Variants in PXDN observed in about 807,000 individuals in gnomAD.
PXDN encodes the protein peroxidasin, also known as peroxidasin homolog.
PXDN carries 77 observed loss-of-function variants against 140.3 expected under a neutral mutation model. The ratio of observed to expected loss-of-function variants is 0.55; its 90% CI spans 0.46 to 0.66. The LOEUF (loss-of-function observed/expected upper bound fraction) is 0.66, where lower values mean the gene tolerates loss of function less well. Ranked by LOEUF, PXDN falls within the 30% of genes least tolerant of loss-of-function variation. PXDN has a pLI of 0.00. For synonymous variants in PXDN, 911 were observed against 857.4 expected, an observed-to-expected ratio of 1.06 and a Z score of -1.09; for missense variants, 1,838 against 2,039.5, an observed-to-expected ratio of 0.90 and a Z score of 1.90.
intron 1 of PXDN, among the ~76,000 whole-genome samples, chr2:1,736,262 T>G (rs1685423108): frequency 6.6e-6 from 1 of 152,216 alleles, no homozygotes; most frequent in Non-Finnish European, 1.5e-5. Flanking sequence ...CTCACTAAGC[T>G]TAATCATTTA....
chr2:1,683,761 GA>G, intron 5 of PXDN, 34 bp from the exon 6 acceptor site: 3 of 1,498,298 alleles, frequency 2.0e-6, no homozygotes, highest in Middle Eastern at 1.7e-4. Context: ...AACCAATTTT[GA>G]AAAATATTTC....
intron 9 of PXDN, among the ~76,000 whole-genome samples, chr2:1,668,334 G>A (rs754851716): frequency 2.2e-4 from 34 of 151,980 alleles, no homozygotes; most frequent in Non-Finnish European, 2.8e-4. Flanking sequence ...CATAAAACCT[G>A]AAACCATAAA....
At chr2:1,729,705 C>G (rs773277538) in intron 1 of PXDN, among the ~76,000 whole-genome samples, 27 of 152,290 alleles carry the variant, frequency 1.8e-4, no homozygotes, top group Non-Finnish European at 3.2e-4. Flanking sequence ...CAAAAATCTA[C>G]TGAAATTTTT....
chr2:1,739,631 C>A (rs998774622), intron 1 of PXDN, among the ~76,000 whole-genome samples: 9 of 152,074 alleles, frequency 5.9e-5, no homozygotes, highest in African/African-American at 2.2e-4. Flanking sequence ...TCACATACTC[C>A]CTGGATGGCA....
intron 1 of PXDN, among the ~76,000 whole-genome samples, chr2:1,727,610 CAGTT>C (rs1685219080): frequency 6.6e-6 from 1 of 152,144 alleles, no homozygotes; most frequent in South Asian, 2.1e-4. Context: ...CCTCAGCCCT[CAGTT>C]AGGCAGCCTT....
intron 1 of PXDN, among the ~76,000 whole-genome samples, chr2:1,742,441 C>T (rs1198493399): frequency 6.6e-6 from 1 of 152,240 alleles, no homozygotes; most frequent in Non-Finnish European, 1.5e-5. Context: ...CACCCGTCTA[C>T]TCTCAGCTCC....
rs946789232 is a variant in PXDN at position 1,691,978 on chromosome 2, G to C, written c.294C>G (p.Ile98Met). The C allele has an allele frequency of 4.6e-6, 7 of 1,528,406 alleles. No homozygotes were observed. The South Asian group carries it at 6.3e-5, about 14-fold the overall frequency. 94.7% of individuals were successfully genotyped at this position (1,528,406 alleles called of 1,614,324 possible). Residue 98 changes from isoleucine (I) to methionine (M), a missense_variant, in exon 3 of 23, where the codon ATC becomes ATG. This residue lies in a region of PXDN where 231 missense variants were observed against 201.5 expected (regional missense o/e 1.15). Coordinates refer to ENST00000252804, the MANE Select transcript of PXDN (RefSeq NM_012293.3). Reference protein sequence around the residue: ...LNTLLLNNNQIKRIPSGAFED... With the variant: ...LNTLLLNNNQMKRIPSGAFED... The stretch of plus-strand genomic sequence containing the variant: ...CAAATGCTCCACTAGGTATCCTCTT[G>C]ATCTGATTATTATTGAGAAGCCTAT...
chr2:1,740,975 C>G (rs1051373564), intron 1 of PXDN, among the ~76,000 whole-genome samples: 1 of 152,184 alleles, frequency 6.6e-6, no homozygotes, highest in Non-Finnish European at 1.5e-5. Flanking sequence ...GGGTTTCTGT[C>G]ACAGAACTGC....
Position 1,633,762 on chromosome 2 carries a change from A to T in PXDN, c.*442T>A, listed in dbSNP as rs972987857. 6 of 152,982 alleles carry T rather than the reference A, an allele frequency of 3.9e-5. No individual in the cohort carries two copies. The highest frequency in any genetic ancestry group is 1.5e-4 in the African/African-American group (6 of 41,270). The allele number at this position is 152,982 out of a possible 1,614,324, so 9.5% of individuals were successfully genotyped here. On this transcript the variant is annotated 3_prime_UTR_variant, in exon 23 of 23. Coordinates refer to ENST00000252804, the MANE Select transcript of PXDN (RefSeq NM_012293.3). The stretch of plus-strand genomic sequence containing the variant: ...GGTGAGCCCCTCTGGCAGCTCCAAG[A>T]CTCACCCCACCTGCGGGTGACAGGT...
chr2:1,742,243 A>C (rs1359383063), intron 1 of PXDN, among the ~76,000 whole-genome samples: 3 of 152,210 alleles, frequency 2.0e-5, no homozygotes, highest in Non-Finnish European at 2.9e-5. Context: ...TCTCCAGTAA[A>C]GTGTTTAGTT....
At chr2:1,743,852 G>C (rs1685618533) in intron 1 of PXDN, among the ~76,000 whole-genome samples, 1 of 146,460 alleles carries the variant, frequency 6.8e-6, no homozygotes, top group South Asian at 2.2e-4. Flanking sequence ...CGGGGGAAAG[G>C]TGAGCGGAGG....
At position 1,649,386 on chromosome 2, in the gene PXDN, C is replaced by T. The variant is rs548975446; in HGVS notation, c.2394G>A (p.Val798=). The T allele has an allele frequency of 4.3e-5, 69 of 1,613,928 alleles. No individual in the cohort carries two copies. Among genetic ancestry groups the T allele is most frequent in the Admixed American group, 3.5e-4 (21 of 60,022 alleles). Residue 798 remains valine (V), a synonymous_variant, in exon 17 of 23, where the codon GTG becomes GTA. Transcript: ENST00000252804. The surrounding 1 kb of genome is among the most constrained non-coding windows in gnomAD (Gnocchi z 7.1). The stretch of plus-strand genomic sequence containing the variant: ...TCTCCGTCCCGATCAGGGTGGTGGA[C>T]ACCAGGCGCGGCATGGGAAGGGCGT... The part of the protein sequence containing the change: ...NGHALPMPRL[V]STTLIGTETV...
intron 1 of PXDN, among the ~76,000 whole-genome samples, chr2:1,723,197 G>A (rs1300557144): frequency 1.3e-5 from 2 of 152,090 alleles, no homozygotes; most frequent in African/African-American, 4.8e-5. Context: ...ACAGATGGAT[G>A]AATGAATTAA....
chr2:1,729,613 A>G (rs896347444), intron 1 of PXDN, among the ~76,000 whole-genome samples: 1 of 152,132 alleles, frequency 6.6e-6, no homozygotes, highest in African/African-American at 2.4e-5. Context: ...TACAGTGTAC[A>G]CCACTCGGGT....
chr2:1,725,562 C>A (rs967764950), intron 1 of PXDN, among the ~76,000 whole-genome samples: 2 of 151,914 alleles, frequency 1.3e-5, no homozygotes, highest in African/African-American at 4.8e-5. Context: ...GCAACAAAAG[C>A]CAAAATTGAC....
chr2:1,658,050 C>G (rs1268196882), intron 14 of PXDN, among the ~76,000 whole-genome samples: 2 of 124,900 alleles, frequency 1.6e-5, no homozygotes, highest in South Asian at 5.9e-4. Context: ...CTCTCTCTCT[C>G]TCTCTCTCTC....
intron 3 of PXDN, among the ~76,000 whole-genome samples, chr2:1,689,752 C>G (rs1246030669): frequency 6.6e-6 from 1 of 150,518 alleles, no homozygotes; most frequent in East Asian, 2.0e-4. Context: ...CCACCGCACT[C>G]TAGCCTGGGC....
intron 1 of PXDN, among the ~76,000 whole-genome samples, chr2:1,711,849 C>G (rs1389969039): frequency 3.9e-5 from 6 of 151,918 alleles, no homozygotes; most frequent in East Asian, 1.9e-4. Flanking sequence ...TCTCAGCTCC[C>G]TATAAATAGG....
intron 7 of PXDN, among the ~76,000 whole-genome samples, chr2:1,679,650 TGTGTGTGTAAATG>T (rs1350705336): frequency 6.8e-6 from 1 of 145,998 alleles, no homozygotes; most frequent in Non-Finnish European, 1.5e-5. Flanking sequence ...CTATAAATGG[TGTGTGTGTAAATG>T]GTGTGTGTGG....
Sources: gnomAD v4.1 joint callset for allele counts (sites outside exome capture counted in the v4.1 genomes callset) on GRCh38, gnomAD v4.1.1 for gene constraint, gnomAD v4.1.1 regional missense constraint, Gnocchi (gnomAD v3.1) non-coding constraint, MANE v1.5 for transcripts, NCBI Gene and HGNC (gene_info 2026-07-23, HGNC 2026-07-21) for gene names.